Variants in KCNH7 observed in about 807,000 individuals in gnomAD.
The protein encoded by KCNH7 is potassium voltage-gated channel subfamily H member 7.
KCNH7 carries 49 observed loss-of-function variants against 120.8 expected under a neutral mutation model. That is an observed-to-expected ratio of 0.41 (90% CI 0.32 to 0.51). KCNH7 has a LOEUF of 0.51. Among genes scored for constraint, KCNH7 ranks in the 20% least tolerant of loss-of-function variants. KCNH7 has a pLI of 0.38. For synonymous variants in KCNH7, 547 were observed against 516.1 expected (o/e 1.06, Z -0.81); for missense variants, 1,097 against 1,446.6 (o/e 0.76, Z 3.92).
At chr2:162,541,266 T>G (rs1692293105) in intron 2 of KCNH7, among the ~76,000 whole-genome samples, 2 of 152,072 alleles carry the variant, frequency 1.3e-5, no homozygotes, top group African/African-American at 4.8e-5. Flanking sequence ...AAGGACTGGA[T>G]GAGGTCACAC....
At chr2:162,619,635 A>C (rs938670568) in intron 2 of KCNH7, among the ~76,000 whole-genome samples, 1 of 152,024 alleles carries the variant, frequency 6.6e-6, no homozygotes, top group Non-Finnish European at 1.5e-5. Context: ...CCTTTTTATA[A>C]ATAAGCCAAT....
chr2:162,531,853 G>A (rs1185095807), intron 3 of KCNH7, among the ~76,000 whole-genome samples: 1 of 151,886 alleles, frequency 6.6e-6, no homozygotes, highest in Non-Finnish European at 1.5e-5. Flanking sequence ...AAAATTATCA[G>A]CTGAGGTATG....
At chr2:162,692,853 C>A (rs976588491) in intron 2 of KCNH7, among the ~76,000 whole-genome samples, 2 of 152,020 alleles carry the variant, frequency 1.3e-5, no homozygotes, top group South Asian at 4.1e-4. Flanking sequence ...AGGTAGCCAA[C>A]ACACCAAGAG....
chr2:162,617,725 T>G (rs991119825), intron 2 of KCNH7, among the ~76,000 whole-genome samples: 1 of 152,136 alleles, frequency 6.6e-6, no homozygotes, highest in African/African-American at 2.4e-5. Flanking sequence ...GGGATTAAAC[T>G]GGTTACTAAT....
intron 2 of KCNH7, among the ~76,000 whole-genome samples, chr2:162,674,887 T>C (rs1685481562): frequency 6.6e-6 from 1 of 151,770 alleles, no homozygotes; most frequent in African/African-American, 2.4e-5. Context: ...TTTATGACCT[T>C]GCAATAAGGA....
chr2:162,425,941 C>T (rs939096485), intron 8 of KCNH7, among the ~76,000 whole-genome samples: 7 of 152,048 alleles, frequency 4.6e-5, no homozygotes, highest in African/African-American at 1.2e-4. Context: ...TGGTCAGGCG[C>T]GGTGGCTCAT....
In KCNH7 at chr2:162,703,694, A is replaced by T. The variant is rs1356551502; in HGVS notation, c.307+132843T>A. ...AACTGATTAAAAAATACAGAAGCAT[A>T]AAACTTAAAATTTAACTACTTCACA... On this transcript the variant is annotated intron_variant, in intron 2 of 15. Coordinates refer to ENST00000332142, the MANE Select transcript of KCNH7 (RefSeq NM_033272.4). Among the ~76,000 whole-genome samples, 4 of 152,194 alleles carry T rather than the reference A, an allele frequency of 2.6e-5. 1 individual carries two copies. The South Asian group carries it at 8.3e-4, about 32-fold the overall frequency.
At chr2:162,729,020 T>TA (rs1240525494) in intron 2 of KCNH7, among the ~76,000 whole-genome samples, 1 of 152,082 alleles carries the variant, frequency 6.6e-6, no homozygotes, top group African/African-American at 2.4e-5. Flanking sequence ...TAAACAAAGA[T>TA]ATGTAACTGT....
At chr2:162,695,322 G>A (rs1178599600) in intron 2 of KCNH7, among the ~76,000 whole-genome samples, 4 of 152,004 alleles carry the variant, frequency 2.6e-5, no homozygotes, top group African/African-American at 9.7e-5. Flanking sequence ...TTGGATTTAG[G>A]GAGGGTGGTG....
intron 9 of KCNH7, among the ~76,000 whole-genome samples, chr2:162,405,693 A>C (rs922453844): frequency 6.6e-6 from 1 of 151,976 alleles, no homozygotes; most frequent in Non-Finnish European, 1.5e-5. Context: ...TGAACTTCTG[A>C]TTTGATGTAT....
chr2:162,417,562 C>T (rs1489681073), intron 9 of KCNH7, among the ~76,000 whole-genome samples: 1 of 152,144 alleles, frequency 6.6e-6, no homozygotes, highest in Admixed American at 6.6e-5. Flanking sequence ...AATGGAGAAA[C>T]TGAAGCATCA....
chr2:162,605,593 A>G (rs1413386211), intron 2 of KCNH7, among the ~76,000 whole-genome samples: 1 of 152,128 alleles, frequency 6.6e-6, no homozygotes, highest in African/African-American at 2.4e-5. Context: ...TGCTAGGAAA[A>G]AGTAAAACCT....
intron 6 of KCNH7, among the ~76,000 whole-genome samples, chr2:162,480,769 T>G (rs1344119826): frequency 6.6e-6 from 1 of 152,144 alleles, no homozygotes; most frequent in Non-Finnish European, 1.5e-5. Context: ...AGGGAACATT[T>G]TGGAATGGAA....
intron 5 of KCNH7, among the ~76,000 whole-genome samples, chr2:162,511,480 CAAAAAAA>C (rs34204046): frequency 2.1e-5 from 2 of 96,006 alleles, no homozygotes; most frequent in African/African-American, 3.8e-5. Flanking sequence ...GTGGACAGGT[CAAAAAAA>C]AAAAAAAAAA....
chr2:162,729,984 AG>A (rs1412839316), intron 2 of KCNH7, among the ~76,000 whole-genome samples: 1 of 152,104 alleles, frequency 6.6e-6, no homozygotes, highest in African/African-American at 2.4e-5. Flanking sequence ...ATATAGAATA[AG>A]AAATTGAAAA....
intron 2 of KCNH7, among the ~76,000 whole-genome samples, chr2:162,720,722 G>A (rs1687297984): frequency 6.6e-6 from 1 of 152,004 alleles, no homozygotes; most frequent in African/African-American, 2.4e-5. Flanking sequence ...CCTGATTGTT[G>A]GTTGATATTT....
rs185753117 is a variant in KCNH7 at position 162,520,590 on chromosome 2, C to T, written c.464-2432G>A. 3.5e-3 allele frequency among the ~76,000 whole-genome samples: 533 copies of T among 151,652 alleles called. 3 individuals are homozygous for T. The highest frequency in any genetic ancestry group is 0.013 in the African/African-American group (518 of 41,440). ...ATCTGGGCAACATAGCAAGAACCCC[C>T]ATCTCTATAAAAAAACAACAACAAC... is the stretch of plus-strand genomic sequence containing the variant. On this transcript the variant is annotated intron_variant, in intron 3 of 15. Coordinates refer to ENST00000332142, the MANE Select transcript of KCNH7 (RefSeq NM_033272.4).
chr2:162,551,539 TA>T (rs905333465), intron 2 of KCNH7, among the ~76,000 whole-genome samples: 11 of 151,362 alleles, frequency 7.3e-5, no homozygotes, highest in African/African-American at 1.2e-4. Context: ...ACTTGAAGAT[TA>T]AAAAAAACAG....
At chr2:162,635,044 T>C (rs778289322) in intron 2 of KCNH7, among the ~76,000 whole-genome samples, 21 of 152,082 alleles carry the variant, frequency 1.4e-4, no homozygotes, top group Non-Finnish European at 2.9e-4. Flanking sequence ...GTTATACCAG[T>C]CATGTTTCAA....
Sources: gnomAD v4.1 joint callset for allele counts (sites outside exome capture counted in the v4.1 genomes callset) on GRCh38, gnomAD v4.1.1 for gene constraint, MANE v1.5 for transcripts, NCBI Gene and HGNC (gene_info 2026-07-23, HGNC 2026-07-21) for gene names.